Variants in KCNIP4 observed in about 807,000 individuals in gnomAD.
KCNIP4 encodes the protein Kv channel-interacting protein 4.
Under a neutral mutation model 34.0 loss-of-function variants are expected in KCNIP4, and 12 were observed. The observed-to-expected ratio is 0.35, with a 90% CI of 0.23 to 0.57. The LOEUF (loss-of-function observed/expected upper bound fraction) is 0.57. Among genes scored for constraint, KCNIP4 ranks in the 20% least tolerant of loss-of-function variants. KCNIP4 has a pLI of 0.83. For synonymous variants in KCNIP4, 124 were observed against 102.2 expected (o/e 1.21, Z -1.29); for missense variants, 238 against 311.7 (o/e 0.76, Z 1.78).
chr4:21,239,633 A>T (rs527610792), intron 1 of KCNIP4, among the ~76,000 whole-genome samples: 1 of 152,354 alleles, frequency 6.6e-6, no homozygotes, highest in East Asian at 1.9e-4. Context: ...AATGCTCATC[A>T]TCACTGACCA....
chr4:20,745,123 G>T (rs1752133445), intron 5 of KCNIP4, among the ~76,000 whole-genome samples: 1 of 152,132 alleles, frequency 6.6e-6, no homozygotes, highest in Non-Finnish European at 1.5e-5. Flanking sequence ...AGGAGCTTTG[G>T]CCTCTTCTTG....
At chr4:21,597,176 T>C (rs1487150498) in intron 1 of KCNIP4, among the ~76,000 whole-genome samples, 3 of 152,020 alleles carry the variant, frequency 2.0e-5, no homozygotes, top group Non-Finnish European at 4.4e-5. Flanking sequence ...TGGGAGATAA[T>C]TGCATCATGG....
chr4:21,536,963 C>T (rs1162467095), intron 1 of KCNIP4, among the ~76,000 whole-genome samples: 1 of 152,084 alleles, frequency 6.6e-6, no homozygotes, highest in East Asian at 1.9e-4. Context: ...TCTGCTGTTT[C>T]CAAAACAGGC....
chr4:20,801,289 A>C (rs75130395), intron 3 of KCNIP4, among the ~76,000 whole-genome samples: 2 of 105,138 alleles, frequency 1.9e-5, no homozygotes, highest in African/African-American at 4.6e-5. Context: ...GAAGTTTTTC[A>C]AAAAAAAAAA....
At chr4:21,644,121 T>G (rs1477785701) in intron 1 of KCNIP4, among the ~76,000 whole-genome samples, 1 of 152,152 alleles carries the variant, frequency 6.6e-6, no homozygotes, top group African/African-American at 2.4e-5. Context: ...AATTTGACAT[T>G]GTAATCCTTT....
chr4:21,409,213 C>G (rs115492041), intron 1 of KCNIP4, among the ~76,000 whole-genome samples: 9,818 of 151,508 alleles, frequency 0.065, 488 homozygotes, highest in African/African-American at 0.14. Flanking sequence ...CTCAAGCCAT[C>G]TCCCCACCTC....
At chr4:20,814,965 A>G (rs1238264056) in intron 3 of KCNIP4, among the ~76,000 whole-genome samples, 2 of 152,018 alleles carry the variant, frequency 1.3e-5, no homozygotes, top group Non-Finnish European at 2.9e-5. Flanking sequence ...CCATCCCTTT[A>G]TTCATCTAAT....
chr4:21,178,487 A>G lies in KCNIP4; in HGVS notation c.62-295778T>C, dbSNP rs1287800810. The stretch of plus-strand genomic sequence containing the variant: ...GTAGTGGATTCACAGACCTCAGTTT[A>G]TTTCCAGGTATAGTAACCATGTGTC... On this transcript the variant is annotated intron_variant, in intron 1 of 8. Transcript: ENST00000382152. Among the ~76,000 whole-genome samples the G allele has an allele frequency of 7.2e-3, 1,082 of 150,484 alleles. 29 individuals carry two copies. Among genetic ancestry groups the G allele is most frequent in the African/African-American group, 0.025 (985 of 39,912 alleles).
chr4:21,642,707 A>C (rs1746702075), intron 1 of KCNIP4, among the ~76,000 whole-genome samples: 1 of 152,056 alleles, frequency 6.6e-6, no homozygotes, highest in Admixed American at 6.6e-5. Context: ...CTGATGTGGA[A>C]GTTAAAATTC....
rs1252786804 is a variant in KCNIP4, at chr4:20,974,836, G to A, written c.62-92127C>T. 3.3e-5 allele frequency among the ~76,000 whole-genome samples: 5 copies of A among 152,164 alleles called. No individual in the cohort carries two copies. The South Asian group carries it at 8.3e-4, about 25-fold the overall frequency. Reference sequence around the variant, plus strand: ...AGTTCTTGGTACACAGATCACACTCGAAAACCTTTCTTTCCTGGATGATTG... The same window carrying A: ...AGTTCTTGGTACACAGATCACACTCAAAAACCTTTCTTTCCTGGATGATTG... On this transcript the variant is annotated intron_variant, in intron 1 of 8. Coordinates refer to ENST00000382152, the MANE Select transcript of KCNIP4 (RefSeq NM_025221.6).
At chr4:21,109,966 T>A (rs562166648) in intron 1 of KCNIP4, among the ~76,000 whole-genome samples, 1 of 152,300 alleles carries the variant, frequency 6.6e-6, no homozygotes, top group East Asian at 1.9e-4. Context: ...CCTATATTAT[T>A]ATTTGAAATA....
chr4:20,754,199 C>G (rs948740182), intron 4 of KCNIP4, among the ~76,000 whole-genome samples: 2 of 152,086 alleles, frequency 1.3e-5, no homozygotes, highest in African/African-American at 4.8e-5. Context: ...GGCTTTTGTT[C>G]AATCCAGTTT....
At chr4:20,869,190 C>A (rs1723171805) in intron 2 of KCNIP4, among the ~76,000 whole-genome samples, 1 of 151,908 alleles carries the variant, frequency 6.6e-6, no homozygotes, top group Admixed American at 6.6e-5. Flanking sequence ...CAGCTAATAT[C>A]AGTGATGACA....
intron 2 of KCNIP4, among the ~76,000 whole-genome samples, chr4:20,874,531 C>T (rs1243901244): frequency 6.6e-6 from 1 of 152,070 alleles, no homozygotes; most frequent in East Asian, 1.9e-4. Flanking sequence ...AAACAGGTGT[C>T]CTGACACTCC....
chr4:21,012,993 T>C (rs1185542421), intron 1 of KCNIP4, among the ~76,000 whole-genome samples: 2 of 152,196 alleles, frequency 1.3e-5, no homozygotes, highest in Non-Finnish European at 1.5e-5. Context: ...TGGAATATTA[T>C]GGCCAAAGGC....
At chr4:21,364,498 A>G (rs539643500) in intron 1 of KCNIP4, among the ~76,000 whole-genome samples, 2 of 152,264 alleles carry the variant, frequency 1.3e-5, no homozygotes, top group East Asian at 1.9e-4. Flanking sequence ...AACAATAAAC[A>G]TGTGTTGGAT....
chr4:21,033,248 A>T (rs1310484403), intron 1 of KCNIP4, among the ~76,000 whole-genome samples: 1 of 152,114 alleles, frequency 6.6e-6, no homozygotes, highest in Non-Finnish European at 1.5e-5. Flanking sequence ...TATCTCTCTG[A>T]TCTCCACAAA....
intron 8 of KCNIP4, among the ~76,000 whole-genome samples, chr4:20,730,630 T>C (rs185686061): frequency 2.0e-5 from 3 of 152,262 alleles, no homozygotes; most frequent in Non-Finnish European, 2.9e-5. Context: ...TCATCTCTCT[T>C]TCTGTCTGCT....
At chr4:21,089,867 T>C (rs1225162624) in intron 1 of KCNIP4, among the ~76,000 whole-genome samples, 1 of 152,192 alleles carries the variant, frequency 6.6e-6, no homozygotes, top group Non-Finnish European at 1.5e-5. Flanking sequence ...AAGCCTGATC[T>C]CTGGATAACC....
Sources: gnomAD v4.1 joint callset for allele counts (sites outside exome capture counted in the v4.1 genomes callset) on GRCh38, gnomAD v4.1.1 for gene constraint, MANE v1.5 for transcripts, NCBI Gene and HGNC (gene_info 2026-07-23, HGNC 2026-07-21) for gene names.